Variants in EHBP1 observed in about 807,000 individuals in gnomAD.
EHBP1 encodes the protein EH domain binding protein 1.
Under a neutral mutation model 144.0 loss-of-function variants are expected in EHBP1, and 55 were observed. The ratio of observed to expected loss-of-function variants is 0.38; its 90% CI spans 0.31 to 0.48. The LOEUF (loss-of-function observed/expected upper bound fraction) is 0.48. Ranked by LOEUF, EHBP1 falls within the 20% of genes least tolerant of loss-of-function variation. EHBP1 has a pLI of 0.98. For synonymous variants in EHBP1, 469 were observed against 472.7 expected (o/e 0.99, Z 0.10); for missense variants, 1,200 against 1,364.2 (o/e 0.88, Z 1.90).
At position 62,939,521 on chromosome 2, in the gene EHBP1, C is replaced by G. The variant is rs199629960; in HGVS notation, c.1186-3197C>G. ...AACTCCTGACCTCATGATCTGCCCG[C>G]CTCAGCCTCCCAAAGTGTTGAGATT... On this transcript the variant is annotated intron_variant, in intron 10 of 22. Coordinates refer to ENST00000431489, the MANE Select transcript of EHBP1 (RefSeq NM_001142616.3). Among the ~76,000 whole-genome samples the G allele has an allele frequency of 6.6e-5, 10 of 152,306 alleles. No homozygotes were observed. In the South Asian group the frequency reaches 1.9e-3, roughly 28 times the overall value.
chr2:62,896,346 G>T (rs955107896), intron 10 of EHBP1, among the ~76,000 whole-genome samples: 2 of 152,164 alleles, frequency 1.3e-5, no homozygotes, highest in African/African-American at 2.4e-5. Context: ...GAGAACGTAG[G>T]CACTGCCTGG....
Position 62,930,861 on chromosome 2 carries a change from A to G in EHBP1, c.1186-11857A>G, listed in dbSNP as rs2055929789. ...AAGTTGGACCCTTACCTAACACCAT[A>G]TACAAAAAGCAACCCAAAATGGATT... On this transcript the variant is annotated intron_variant, in intron 10 of 22. Coordinates refer to ENST00000431489, the MANE Select transcript of EHBP1 (RefSeq NM_001142616.3). Among the ~76,000 whole-genome samples the G allele has an allele frequency of 3.9e-5, 6 of 152,304 alleles. No homozygotes were observed. In the South Asian group the frequency reaches 1.0e-3, roughly 26 times the overall value.
At chr2:62,902,613 C>T (rs914613286) in intron 10 of EHBP1, among the ~76,000 whole-genome samples, 13 of 152,016 alleles carry the variant, frequency 8.6e-5, no homozygotes, top group Admixed American at 7.2e-4. Flanking sequence ...ATGAAGGCTG[C>T]TTCTTTCTGT....
chr2:62,684,974 C>CA (rs2033669994), intron 1 of EHBP1, among the ~76,000 whole-genome samples: 1 of 152,070 alleles, frequency 6.6e-6, no homozygotes, highest in South Asian at 2.1e-4. Context: ...CAGTTGAACT[C>CA]ACAGAAGCAG....
At chr2:62,705,500 T>TA (rs1558520217), upstream of EHBP1, among the ~76,000 whole-genome samples, 2 of 151,660 alleles carry the variant, frequency 1.3e-5, no homozygotes, top group African/African-American at 2.4e-5. Flanking sequence ...CTTTTTTTTT[T>TA]TAAAAAAAAG....
In EHBP1 at chr2:62,733,705, G is replaced by A. The variant is rs1467003753; in HGVS notation, c.105-13690G>A. Among the ~76,000 whole-genome samples the A allele has an allele frequency of 5.3e-5, 8 of 152,286 alleles. No homozygotes were observed. In the South Asian group the frequency reaches 1.2e-3, roughly 24 times the overall value. Reference sequence around the variant, plus strand: ...GTGGCTACTTTTTCTCTTCTTTGCCGGAGGGCATTTTTATCCAGTCTGCAC... The same window carrying A: ...GTGGCTACTTTTTCTCTTCTTTGCCAGAGGGCATTTTTATCCAGTCTGCAC... On this transcript the variant is annotated intron_variant, in intron 2 of 22. Transcript: ENST00000431489.
chr2:62,809,426 T>C (rs1037129212), intron 5 of EHBP1, among the ~76,000 whole-genome samples: 11 of 151,820 alleles, frequency 7.2e-5, no homozygotes, highest in African/African-American at 2.7e-4. Context: ...CTGATCAAGC[T>C]CTTGGAAGTA....
In EHBP1 at chr2:62,740,786, A is replaced by G. The variant is rs369587120; in HGVS notation, c.105-6609A>G. 1.1e-4 allele frequency among the ~76,000 whole-genome samples: 17 copies of G among 152,286 alleles called. No homozygotes were observed. The South Asian group carries it at 3.1e-3, about 28-fold the overall frequency. On this transcript the variant is annotated intron_variant, in intron 2 of 22. Coordinates refer to ENST00000431489, the MANE Select transcript of EHBP1 (RefSeq NM_001142616.3). ...TTAGGAAAAGCTTGGAGGCTTTCCA[A>G]GTTTTGAGGTACAGCTATCTTTTAT... is the stretch of plus-strand genomic sequence containing the variant.
chr2:62,886,919 C>T (rs897462953), intron 10 of EHBP1, among the ~76,000 whole-genome samples: 21 of 152,046 alleles, frequency 1.4e-4, no homozygotes, highest in African/African-American at 5.1e-4. Context: ...AAATGAGTCT[C>T]TGTTTAATGG....
intron 5 of EHBP1, chr2:62,771,642 T>A (rs1006094694): frequency 8.0e-5 from 15 of 188,594 alleles, no homozygotes; most frequent in Non-Finnish European, 1.1e-5. Flanking sequence ...TGTGTATATG[T>A]GTATTATATA....
chr2:62,815,819 AT>A (rs1350303375), intron 5 of EHBP1, among the ~76,000 whole-genome samples: 7 of 152,292 alleles, frequency 4.6e-5, no homozygotes, highest in Admixed American at 3.9e-4. Flanking sequence ...AACAAATATG[AT>A]TTTTTGGAGG....
At position 62,706,927 on chromosome 2, in the gene EHBP1, A is replaced by G. The variant is rs769062629; in HGVS notation, c.-265A>G. ...CAGAATACCCATCATATAGCCCCTG[A>G]GGTGGCATGGTGATGTCTCCATGAG... On this transcript the variant is annotated 5_prime_UTR_variant, in exon 2 of 23. Transcript: ENST00000431489. 38 of 383,340 alleles carry G rather than the reference A, an allele frequency of 9.9e-5. No individual in the cohort carries two copies. Among genetic ancestry groups the G allele is most frequent in the Non-Finnish European group, 1.7e-4 (35 of 207,454 alleles). 23.7% of individuals were successfully genotyped at this position (383,340 alleles called of 1,614,324 possible). A position where few individuals can be genotyped will look rare whatever the true frequency, so the allele number is the denominator to read the frequency against.
At chr2:62,759,234 C>G (rs1273581185) in intron 3 of EHBP1, among the ~76,000 whole-genome samples, 2 of 152,162 alleles carry the variant, frequency 1.3e-5, no homozygotes, top group East Asian at 1.9e-4. Flanking sequence ...ATTAGCTGTA[C>G]TAGGATATTG....
chr2:63,004,539 CT>C (rs1204861704), intron 19 of EHBP1, among the ~76,000 whole-genome samples: 2 of 152,034 alleles, frequency 1.3e-5, no homozygotes, highest in East Asian at 3.9e-4. Flanking sequence ...AAAGTAAATA[CT>C]TTGGGAACAT....
intron 1 of EHBP1, among the ~76,000 whole-genome samples, chr2:62,697,855 A>T (rs2034154838): frequency 6.6e-6 from 1 of 152,256 alleles, no homozygotes. Flanking sequence ...AAGAGAAAAC[A>T]GAATGAACTA....
At chr2:63,037,735 C>T in intron 20 of EHBP1, 101 bp downstream of exon 20, 1 of 680,290 alleles carries the variant, frequency 1.5e-6, no homozygotes, top group Non-Finnish European at 2.5e-6. Flanking sequence ...CGGTATTTTC[C>T]CTTTCCTTAG....
intron 10 of EHBP1, among the ~76,000 whole-genome samples, chr2:62,878,350 G>A (rs2051069592): frequency 6.6e-6 from 1 of 152,166 alleles, no homozygotes; most frequent in East Asian, 1.9e-4. Context: ...AAAAGCCTTG[G>A]ACTAGACAGA....
chr2:62,708,905 G>T (rs1259680100), intron 2 of EHBP1, among the ~76,000 whole-genome samples: 3 of 151,886 alleles, frequency 2.0e-5, no homozygotes, highest in Admixed American at 6.6e-5. Flanking sequence ...GTGTAGGATT[G>T]GGGGGCATGC....
intron 2 of EHBP1, among the ~76,000 whole-genome samples, chr2:62,713,736 G>A (rs191336690): frequency 1.4e-4 from 22 of 152,198 alleles, no homozygotes; most frequent in Middle Eastern, 6.8e-3. Context: ...ACAAAATAGC[G>A]CAGTCTTTTC....
Sources: gnomAD v4.1 joint callset for allele counts (sites outside exome capture counted in the v4.1 genomes callset) on GRCh38, gnomAD v4.1.1 for gene constraint, MANE v1.5 for transcripts, NCBI Gene and HGNC (gene_info 2026-07-23, HGNC 2026-07-21) for gene names.